Variants in KCNK7 observed in about 807,000 individuals in gnomAD.
KCNK7 encodes potassium channel subfamily K member 7.
KCNK7 carries 14 observed loss-of-function variants against 18.1 expected under a neutral mutation model. That is an observed-to-expected ratio of 0.77 (90% CI 0.51 to 1.21). The LOEUF (loss-of-function observed/expected upper bound fraction) is 1.21. Ranked by LOEUF, KCNK7 falls within the 50% of genes most tolerant of loss-of-function variation. The pLI is 0.00. For missense variants in KCNK7, 385 were observed against 387.3 expected (o/e 0.99, Z 0.05); for synonymous variants, 188 against 184.7 (o/e 1.02, Z -0.15).
At chr11:65,594,295 G>A (rs997235341) in intron 1 of KCNK7, among the ~76,000 whole-genome samples, 1 of 152,222 alleles carries the variant, frequency 6.6e-6, no homozygotes, top group Admixed American at 6.5e-5. Flanking sequence ...GGCAAATCAT[G>A]AAGGGCTGCA....
chr11:65,593,322 G>A (rs780132733), intron 2 of KCNK7, 112 bp from the exon 3 acceptor site: 38 of 1,613,792 alleles, frequency 2.4e-5, no homozygotes, highest in Middle Eastern at 3.3e-4. Context: ...CCTTCTCAAC[G>A]CTGCCACCAG....
At position 65,595,453 on chromosome 11, in the gene KCNK7, C is replaced by T. The variant is rs376935076; in HGVS notation, c.319+1G>A. On this transcript the variant is annotated splice_donor_variant, in intron 1 of 2. Transcript: ENST00000340313. LOFTEE classifies it high-confidence loss of function. Reference sequence around the variant, plus strand: ...CCGACTTGGCTGCCTGGCTCTCTTACCTGTGGTGGTGAGGATGCTGGCAGC... The same window carrying T: ...CCGACTTGGCTGCCTGGCTCTCTTATCTGTGGTGGTGAGGATGCTGGCAGC... 2.1e-6 allele frequency: 3 copies of T among 1,435,366 alleles called. No individual in the cohort carries two copies. The highest frequency in any genetic ancestry group is 2.8e-5 in the African/African-American group (2 of 70,532). The allele number at this position is 1,435,366 out of a possible 1,614,324, so 88.9% of individuals were successfully genotyped here. A position where few individuals can be genotyped will look rare whatever the true frequency, so the allele number is the denominator to read the frequency against.
At position 65,595,731 on chromosome 11, in the gene KCNK7, AAC is replaced by A. The variant is rs779782030; in HGVS notation, c.40_41del (p.Val14CysfsTer28). 1.3e-6 allele frequency: 2 copies of A among 1,581,764 alleles called. No homozygotes were observed. Among genetic ancestry groups the A allele is most frequent in the Admixed American group, 3.5e-5 (2 of 57,250 alleles). On this transcript the variant is annotated frameshift_variant, in exon 1 of 3. Coordinates refer to ENST00000340313, the MANE Select transcript of KCNK7 (RefSeq NM_033347.2). LOFTEE classifies it high-confidence loss of function. The stretch of plus-strand genomic sequence containing the variant: ...GCCCCAGGGCCAGCAAGTGGGCCAC[AAC>A]CAGGAGCCCGTATCGGGACCAGGGC... ...LRPWSRYGLLVVAHLLALGLG... is the reference protein window; with the variant it reads ...LRPWSRYGLLXVAHLLALGLG...
rs559187716 is a variant in KCNK7 at position 65,593,502 on chromosome 11, T to G, written c.692A>C (p.Tyr231Ser). The stretch of plus-strand genomic sequence containing the variant: ...AAGAAGTGCGAGCTGGCCCAGGTGG[T>G]AAATCACGGGGTGCAGGCTGCGGCC... ...GRGRSLHPVI[Y>S]HLGQLALLGY... Residue 231 changes from tyrosine to serine, a missense_variant, in exon 2 of 3, where the codon TAC (tyrosine) becomes TCC (serine). Transcript: ENST00000340313. The G allele has an allele frequency of 1.5e-5, 25 of 1,613,150 alleles. No individual in the cohort carries two copies. In the African/African-American group the frequency reaches 3.3e-4, roughly 22 times the overall value.
Position 65,593,712 on chromosome 11 carries a change from AGCT to A in KCNK7, c.479_481del (p.Gln160del). 1 of 1,609,334 alleles carries A rather than the reference AGCT, an allele frequency of 6.2e-7. No homozygotes were observed. The highest frequency in any genetic ancestry group is 8.5e-7 in the Non-Finnish European group (1 of 1,179,232). On this transcript the variant is annotated inframe_deletion, in exon 2 of 3. Coordinates refer to ENST00000340313, the MANE Select transcript of KCNK7 (RefSeq NM_033347.2). ...CAGCAGCGCAGCCCTGGCCGGTGAC[AGCT>A]GCCAGTGGACCGCTACCCAGGCACG...
intron 1 of KCNK7, 79 bp from the exon 2 acceptor site, chr11:65,593,953 C>T: frequency 1.4e-6 from 2 of 1,428,938 alleles, no homozygotes; most frequent in Non-Finnish European, 1.8e-6. Context: ...CCAATACTGC[C>T]TTCCGCAGAA....
Position 65,595,640 on chromosome 11 carries a change from C to T in KCNK7, c.133G>A (p.Ala45Thr). ...TCTGCCTGGAAGGCTGCCAGCTCTG[C>T]CCTGAGCTCAGCCTGAAGCCTGCAT... ...PACRLQAELR[A>T]ELAAFQAEHR... The change falls in exon 1 of 3, where the codon GCA (alanine) becomes ACA (threonine). Residue 45 changes from alanine (A) to threonine (T), a missense_variant. By Grantham distance (58) the Ala-to-Thr change is moderately conservative. Coordinates refer to ENST00000340313, the MANE Select transcript of KCNK7 (RefSeq NM_033347.2). The T allele has an allele frequency of 6.2e-7, 1 of 1,605,280 alleles. No individual in the cohort carries two copies. Among genetic ancestry groups the T allele is most frequent in the Non-Finnish European group, 8.5e-7 (1 of 1,176,172 alleles).
At position 65,593,931 on chromosome 11, in the gene KCNK7, T is replaced by G. The variant is rs1590848358; in HGVS notation, c.320-57A>C. ...GCTCTGAGTGCCATGTCTGCTGGGG[T>G]CCCTGCCTACCCCAATACTGCCTTC... On this transcript the variant is annotated intron_variant, in intron 1 of 2. Transcript: ENST00000340313. 4 of 1,480,452 alleles carry G rather than the reference T, an allele frequency of 2.7e-6. No individual in the cohort carries two copies. In the South Asian group the frequency reaches 5.5e-5, roughly 20 times the overall value. 91.7% of individuals were successfully genotyped at this position (1,480,452 alleles called of 1,614,324 possible). A position where few individuals can be genotyped will look rare whatever the true frequency, so the allele number is the denominator to read the frequency against.
chr11:65,594,995 G>A (rs1854324334), intron 1 of KCNK7, among the ~76,000 whole-genome samples: 2 of 152,160 alleles, frequency 1.3e-5, no homozygotes, highest in South Asian at 4.1e-4. Context: ...CTGTGCCCAC[G>A]CGATTTCTCT....
Position 65,595,657 on chromosome 11 carries a change from A to G in KCNK7, c.116T>C (p.Leu39Pro), listed in dbSNP as rs1854339540. Residue 39 changes from leucine (L) to proline (P), a missense_variant, in exon 1 of 3, where the codon CTT becomes CCT. By Grantham distance (98) the Leu-to-Pro change is moderately conservative (BLOSUM62 -3). Transcript: ENST00000340313. ...QALEGPPACR[L>P]QAELRAELAA... ...CAGCTCTGCCCTGAGCTCAGCCTGAAGCCTGCATGCAGGAGGCCCCTCCAG... is the reference window on the plus strand; with the variant it reads ...CAGCTCTGCCCTGAGCTCAGCCTGAGGCCTGCATGCAGGAGGCCCCTCCAG... 4 of 1,605,254 alleles carry G rather than the reference A, an allele frequency of 2.5e-6. No individual in the cohort carries two copies. The highest frequency in any genetic ancestry group is 3.4e-6 in the Non-Finnish European group (4 of 1,176,204).
intron 1 of KCNK7, among the ~76,000 whole-genome samples, chr11:65,595,048 G>A (rs1418393300): frequency 1.3e-5 from 2 of 152,122 alleles, no homozygotes; most frequent in African/African-American, 4.8e-5. Context: ...TGATCCACAA[G>A]CATCTCATGC....
At chr11:65,593,385 T>C (rs1858467948) in intron 2 of KCNK7, 91 bp downstream of exon 2, 1 of 1,613,690 alleles carries the variant, frequency 6.2e-7, no homozygotes, top group African/African-American at 1.3e-5. Context: ...TCCCTCCACC[T>C]GCAAGGCCCA....
chr11:65,595,785 G>C lies in KCNK7; in HGVS notation c.-13C>G. On this transcript the variant is annotated 5_prime_UTR_variant, in exon 1 of 3. Coordinates refer to ENST00000340313, the MANE Select transcript of KCNK7 (RefSeq NM_033347.2). ...TTAGACCCCCCATGGCAGGCCGCTGGGGTGCTGTGGGAACTGGCGGCTCCA... is the reference window on the plus strand; with the variant it reads ...TTAGACCCCCCATGGCAGGCCGCTGCGGTGCTGTGGGAACTGGCGGCTCCA... The C allele has an allele frequency of 6.8e-7, 1 of 1,469,866 alleles. No individual in the cohort carries two copies. The highest frequency in any genetic ancestry group is 9.1e-7 in the Non-Finnish European group (1 of 1,099,100). 91.1% of individuals were successfully genotyped at this position (1,469,866 alleles called of 1,614,324 possible). A position where few individuals can be genotyped will look rare whatever the true frequency, so the allele number is the denominator to read the frequency against.
In KCNK7 at chr11:65,593,351, C is replaced by T. The variant is rs748305936; in HGVS notation, c.718+125G>A. On this transcript the variant is annotated intron_variant, in intron 2 of 2. Coordinates refer to ENST00000340313, the MANE Select transcript of KCNK7 (RefSeq NM_033347.2). The stretch of plus-strand genomic sequence containing the variant: ...CCACCAGAGCTCTTCGACTACCCCT[C>T]CCACGCCGTGCCCTGGAGTGAGGTC... 33 of 1,613,840 alleles carry T rather than the reference C, an allele frequency of 2.0e-5. 1 individual carries two copies. In the Middle Eastern group the frequency reaches 9.9e-4, roughly 48 times the overall value.
Position 65,595,707 on chromosome 11 carries a change from C to A in KCNK7, c.66G>T (p.Gly22=). Residue 22 remains glycine, a synonymous_variant, in exon 1 of 3, where the codon GGG becomes GGT. Coordinates refer to ENST00000340313, the MANE Select transcript of KCNK7 (RefSeq NM_033347.2). ...LLVVAHLLAL[G]LGAVVFQALE... ...GGGCCTGGAACACCACAGCCCCAAG[C>A]CCCAGGGCCAGCAAGTGGGCCACAA... 6.3e-7 allele frequency: 1 copy of A among 1,593,062 alleles called. No homozygotes were observed. The highest frequency in any genetic ancestry group is 1.7e-5 in the Admixed American group (1 of 58,098).
In KCNK7 at chr11:65,593,165, G is replaced by A. The variant is rs758058773; in HGVS notation, c.764C>T (p.Thr255Ile). The A allele has an allele frequency of 1.9e-5, 31 of 1,613,608 alleles. No homozygotes were observed. The highest frequency in any genetic ancestry group is 2.5e-5 in the Non-Finnish European group (29 of 1,179,840). ...GLLAMLLAVE[T>I]FSELPQVRAM... ...ACGGACCTGCGGCAGCTCAGAGAAG[G>A]TCTCCACTGCCAGCAGCATGGCCAA... is the stretch of plus-strand genomic sequence containing the variant. Residue 255 changes from threonine (T) to isoleucine (I), a missense_variant, in exon 3 of 3, where the codon ACC (threonine) becomes ATC (isoleucine). Transcript: ENST00000340313.
rs1858475999 is a variant in KCNK7 at position 65,593,508 on chromosome 11, A to ACGGGGTG, written c.679_685dup (p.Val229AlafsTer32). 1.2e-6 allele frequency: 2 copies of ACGGGGTG among 1,613,094 alleles called. No homozygotes were observed. Among genetic ancestry groups the ACGGGGTG allele is most frequent in the Non-Finnish European group, 1.7e-6 (2 of 1,179,864 alleles). On this transcript the variant is annotated frameshift_variant, in exon 2 of 3. Coordinates refer to ENST00000340313, the MANE Select transcript of KCNK7 (RefSeq NM_033347.2). LOFTEE classifies it low-confidence loss of function (END_TRUNC). ...TGCGAGCTGGCCCAGGTGGTAAATC[A>ACGGGGTG]CGGGGTGCAGGCTGCGGCCGCGGCC...
chr11:65,593,178 G>A lies in KCNK7; in HGVS notation c.751C>T (p.Leu251=). The change falls in exon 3 of 3, where the codon CTG becomes TTG. Residue 251 remains leucine (L), a synonymous_variant. Transcript: ENST00000340313. ...AGCTCAGAGAAGGTCTCCACTGCCA[G>A]CAGCATGGCCAAGAGTCCTAGAAGC... is the stretch of plus-strand genomic sequence containing the variant. ...YLLLGLLAML[L]AVETFSELPQ... 6.2e-7 allele frequency: 1 copy of A among 1,613,558 alleles called. No individual in the cohort carries two copies. Among genetic ancestry groups the A allele is most frequent in the Non-Finnish European group, 8.5e-7 (1 of 1,179,778 alleles).
At position 65,593,539 on chromosome 11, in the gene KCNK7, G is replaced by T; in HGVS notation, c.655C>A (p.Leu219Met). The T allele has an allele frequency of 6.2e-7, 1 of 1,611,562 alleles. No homozygotes were observed. The change falls in exon 2 of 3, where the codon CTG becomes ATG. Residue 219 changes from leucine to methionine, a missense_variant. Coordinates refer to ENST00000340313, the MANE Select transcript of KCNK7 (RefSeq NM_033347.2). ...SLSTIGLEDLLPGRGRSLHPV... is the reference protein window; with the variant it reads ...SLSTIGLEDLMPGRGRSLHPV... ...TGCAGGCTGCGGCCGCGGCCGGGCA[G>T]CAAGTCCTCCAGGCCAATGGTGCTG... is the stretch of plus-strand genomic sequence containing the variant.
Sources: allele counts gnomAD v4.1 joint callset (sites outside exome capture counted in the v4.1 genomes callset), GRCh38; gene constraint gnomAD v4.1.1; transcripts MANE v1.5; gene names NCBI Gene and HGNC (gene_info 2026-07-23, HGNC 2026-07-21).